Variants in CELF2 observed in about 807,000 individuals in gnomAD.
CELF2 encodes CUG triplet repeat RNA-binding protein 2.
Under a neutral mutation model 62.6 loss-of-function variants are expected in CELF2, and 8 were observed. That is an observed-to-expected ratio of 0.13 (90% CI 0.07 to 0.23). The LOEUF is 0.23. Among genes scored for constraint, CELF2 ranks in the 10% least tolerant of loss-of-function variants. The pLI is 1.00. For missense variants in CELF2, 333 were observed against 671.0 expected (o/e 0.50, Z 5.56); for synonymous variants, 258 against 250.0 (o/e 1.03, Z -0.30).
chr10:11,120,297 T>C (rs1395570418), intron 1 of CELF2, among the ~76,000 whole-genome samples: 5 of 152,210 alleles, frequency 3.3e-5, no homozygotes, highest in South Asian at 4.2e-4. Context: ...ATTCCCCAAA[T>C]AGTTAGTAGC....
intron 1 of CELF2, among the ~76,000 whole-genome samples, chr10:11,129,169 A>C (rs1010996104): frequency 5.9e-5 from 9 of 152,146 alleles, no homozygotes; most frequent in East Asian, 1.9e-4. Flanking sequence ...TGTTTATATG[A>C]TGGATTACGT....
rs1483052133 is a variant in CELF2, at chr10:11,244,025, C to T, written c.355-5128C>T. 3.3e-5 allele frequency among the ~76,000 whole-genome samples: 5 copies of T among 152,216 alleles called. No individual in the cohort carries two copies. Among genetic ancestry groups the T allele is most frequent in the African/African-American group, 9.6e-5 (4 of 41,460 alleles). ...TGGGCCCTCCCCCGTCTCCTGCTGTCTACTGGGACCTGCAGGCATGTGCAG... is the reference window on the plus strand; with the variant it reads ...TGGGCCCTCCCCCGTCTCCTGCTGTTTACTGGGACCTGCAGGCATGTGCAG... On this transcript the variant is annotated intron_variant, in intron 3 of 12. Transcript: ENST00000633077. This position sits in a 1 kb window ranked among gnomAD's most constrained non-coding sequence, Gnocchi z 4.2.
At chr10:10,661,114 C>T in the CELF2 span, among the ~76,000 whole-genome samples, 4 of 152,198 alleles carry the variant, frequency 2.6e-5, no homozygotes, top group African/African-American at 9.7e-5. Flanking sequence ...TTGATGAATG[C>T]AAATCAAGAC....
At chr10:10,573,778 TA>T in the CELF2 span, among the ~76,000 whole-genome samples, 3 of 142,380 alleles carry the variant, frequency 2.1e-5, no homozygotes, top group African/African-American at 9.3e-5. Flanking sequence ...TTTATGGGAT[TA>T]AAAATAGTCA....
chr10:11,264,797 T>A (rs551526134), intron 5 of CELF2, among the ~76,000 whole-genome samples: 34 of 152,330 alleles, frequency 2.2e-4, no homozygotes, highest in African/African-American at 7.7e-4. Context: ...TCAGTCTTAG[T>A]ACAGGTAGCG....
At chr10:10,945,812 AGGAAAG>A (rs1289500669) in intron 2 of CELF2, among the ~76,000 whole-genome samples, 1 of 152,220 alleles carries the variant, frequency 6.6e-6, no homozygotes, top group Non-Finnish European at 1.5e-5. Context: ...TAGAAGCCCC[AGGAAAG>A]GGGCTGTTAA....
At chr10:10,487,134 C>A in the CELF2 span, among the ~76,000 whole-genome samples, 2 of 152,172 alleles carry the variant, frequency 1.3e-5, no homozygotes, top group African/African-American at 4.8e-5. Context: ...TGTGATGGCT[C>A]TCAGCAAATG....
At chr10:10,703,596 CG>C in the CELF2 span, among the ~76,000 whole-genome samples, 1 of 152,272 alleles carries the variant, frequency 6.6e-6, no homozygotes, top group South Asian at 2.1e-4. Context: ...TCTAGAGATG[CG>C]GAATGATGTT....
intron 1 of CELF2, among the ~76,000 whole-genome samples, chr10:10,848,101 G>A (rs535242160): frequency 6.6e-6 from 1 of 152,076 alleles, no homozygotes; most frequent in Non-Finnish European, 1.5e-5. Flanking sequence ...GCTATATTGT[G>A]CATATCAGTT....
intron 1 of CELF2, among the ~76,000 whole-genome samples, chr10:11,044,635 G>A (rs962091932): frequency 2.0e-5 from 3 of 152,106 alleles, no homozygotes; most frequent in Non-Finnish European, 4.4e-5. Context: ...ACTCAATCTG[G>A]TTTTAATACA....
intron 3 of CELF2, among the ~76,000 whole-genome samples, chr10:11,230,187 C>A (rs889595243): frequency 6.6e-6 from 1 of 152,212 alleles, no homozygotes; most frequent in Admixed American, 6.5e-5. Flanking sequence ...GGGTCTTACA[C>A]GTTCACACAG....
In CELF2 at chr10:11,246,950, A is replaced by G. The variant is rs926404194; in HGVS notation, c.355-2203A>G. Among the ~76,000 whole-genome samples the G allele has an allele frequency of 7.2e-5, 11 of 152,058 alleles. No homozygotes were observed. The highest frequency in any genetic ancestry group is 1.5e-4 in the Non-Finnish European group (10 of 68,024). On this transcript the variant is annotated intron_variant, in intron 3 of 12. Transcript: ENST00000633077. The surrounding 1 kb of genome is among the most constrained non-coding windows in gnomAD (Gnocchi z 4.6). The stretch of plus-strand genomic sequence containing the variant: ...CAGCCGCCTCTGAAACTCTTTGCTC[A>G]TGCTTTCCCCATTCGGGCAGTCATC...
the CELF2 span, among the ~76,000 whole-genome samples, chr10:10,724,970 C>A: frequency 6.6e-6 from 1 of 152,164 alleles, no homozygotes; most frequent in Non-Finnish European, 1.5e-5. Context: ...TAGAAGGTGG[C>A]AGCTACGTAA....
chr10:11,233,320 T>C (rs1295940461), intron 3 of CELF2, among the ~76,000 whole-genome samples: 1 of 152,170 alleles, frequency 6.6e-6, no homozygotes, highest in African/African-American at 2.4e-5. Flanking sequence ...TTGGGTGTAC[T>C]TTTTCAGAGA....
chr10:11,242,161 C>T lies in CELF2; in HGVS notation c.355-6992C>T, dbSNP rs1171549787. 6.6e-6 allele frequency among the ~76,000 whole-genome samples: 1 copy of T among 152,190 alleles called. No individual in the cohort carries two copies. Among genetic ancestry groups the T allele is most frequent in the African/African-American group, 2.4e-5 (1 of 41,426 alleles). Reference sequence around the variant, plus strand: ...CACAATATGTGCTAGCACGGCTGCTCTCTCCAGGGGTCAGGATGGGTTTAA... The same window carrying T: ...CACAATATGTGCTAGCACGGCTGCTTTCTCCAGGGGTCAGGATGGGTTTAA... On this transcript the variant is annotated intron_variant, in intron 3 of 12. Coordinates refer to ENST00000633077, the MANE Select transcript of CELF2 (RefSeq NM_001326342.2). This position sits in a 1 kb window ranked among gnomAD's most constrained non-coding sequence, Gnocchi z 4.8.
chr10:10,780,311 T>G, the CELF2 span, among the ~76,000 whole-genome samples: 2 of 152,172 alleles, frequency 1.3e-5, no homozygotes, highest in African/African-American at 4.8e-5. Context: ...TAAGAATTAA[T>G]GATTCCTGGA....
At chr10:10,941,069 A>G (rs1218680909) in intron 2 of CELF2, among the ~76,000 whole-genome samples, 1 of 152,176 alleles carries the variant, frequency 6.6e-6, no homozygotes. Flanking sequence ...ACACCAGAGG[A>G]AAAGGGGGCT....
chr10:11,095,441 C>T (rs1373695364), intron 1 of CELF2, among the ~76,000 whole-genome samples: 2 of 152,152 alleles, frequency 1.3e-5, no homozygotes, highest in East Asian at 1.9e-4. Flanking sequence ...CTCAGTGCCC[C>T]GGCATTCGGC....
Position 11,316,644 on chromosome 10 carries a change from G to A in CELF2, c.1096+2386G>A, listed in dbSNP as rs1477299447. On this transcript the variant is annotated intron_variant, in intron 10 of 12. Transcript: ENST00000633077. The surrounding 1 kb of genome is among the most constrained non-coding windows in gnomAD (Gnocchi z 4.4). ...CACCCCACTGCAGCAGCCATTATCTGTTTCCATATGGAGAGTATTCAGGTT... is the reference window on the plus strand; with the variant it reads ...CACCCCACTGCAGCAGCCATTATCTATTTCCATATGGAGAGTATTCAGGTT... 6.6e-6 allele frequency among the ~76,000 whole-genome samples: 1 copy of A among 152,126 alleles called. No homozygotes were observed. The highest frequency in any genetic ancestry group is 1.5e-5 in the Non-Finnish European group (1 of 68,030).
Sources: gnomAD v4.1 joint callset for allele counts (sites outside exome capture counted in the v4.1 genomes callset) on GRCh38, gnomAD v4.1.1 for gene constraint, Gnocchi (gnomAD v3.1) non-coding constraint, MANE v1.5 for transcripts, NCBI Gene and HGNC (gene_info 2026-07-23, HGNC 2026-07-21) for gene names.